Variants in CLIP4 observed in about 807,000 individuals in gnomAD.
CLIP4 encodes the protein CAP-Gly domain containing linker protein family member 4, also known as CAP-Gly domain-containing linker protein 4.
CLIP4 carries 47 observed loss-of-function variants against 73.1 expected under a neutral mutation model. That is an observed-to-expected ratio of 0.64 (90% CI 0.51 to 0.82). CLIP4 has a LOEUF of 0.82. Ranked by LOEUF, CLIP4 falls within the 40% of genes least tolerant of loss-of-function variation. The pLI is 0.00. For synonymous variants in CLIP4, 306 were observed against 295.4 expected (o/e 1.04, Z -0.37); for missense variants, 874 against 852.9 (o/e 1.02, Z -0.31).
chr2:29,159,911 T>A (rs1667179191), intron 11 of CLIP4, among the ~76,000 whole-genome samples: 1 of 152,252 alleles, frequency 6.6e-6, no homozygotes, highest in African/African-American at 2.4e-5. Context: ...TCTACTTTCA[T>A]GCTGCAACAG....
intron 2 of CLIP4, among the ~76,000 whole-genome samples, chr2:29,125,322 CT>C (rs1457752690): frequency 2.0e-5 from 3 of 152,140 alleles, no homozygotes; most frequent in Admixed American, 2.0e-4. Context: ...CCCTGTAGTC[CT>C]TATGGATGGT....
intron 14 of CLIP4, among the ~76,000 whole-genome samples, chr2:29,168,434 A>AT (rs1413339616): frequency 1.7e-5 from 2 of 118,864 alleles, no homozygotes; most frequent in Non-Finnish European, 3.6e-5. Context: ...ATTTTTATTT[A>AT]TTGTTTTTGG....
In CLIP4 at chr2:29,181,591, C is replaced by A; in HGVS notation, c.1816C>A (p.Arg606Ser). ...AFSKSKAALR[R>S]SWSSTPTAGG... ...GCACAGATCGAAAGCTGCTTTGCGT[C>A]GCAGTTGGAGCAGCACCCCCACCGC... The change falls in exon 16 of 16, where the codon CGC (arginine) becomes AGC (serine). Residue 606 changes from arginine (R) to serine (S), a missense_variant. By Grantham distance (110) the Arg-to-Ser change is moderately radical. Transcript: ENST00000320081. 6.2e-7 allele frequency: 1 copy of A among 1,607,784 alleles called. No homozygotes were observed. The highest frequency in any genetic ancestry group is 8.5e-7 in the Non-Finnish European group (1 of 1,175,674).
chr2:29,173,598 C>T (rs949186790), intron 14 of CLIP4, among the ~76,000 whole-genome samples: 1 of 152,164 alleles, frequency 6.6e-6, no homozygotes, highest in African/African-American at 2.4e-5. Flanking sequence ...TTTTTAGCCA[C>T]TTTGAAATTG....
chr2:29,133,824 T>G lies in CLIP4; in HGVS notation c.529+8T>G, dbSNP rs752020038. On this transcript the variant is annotated splice_region_variant and intron_variant, in intron 5 of 15. Coordinates refer to ENST00000320081, the MANE Select transcript of CLIP4 (RefSeq NM_024692.6). Reference sequence around the variant, plus strand: ...AAACATCGAAACCAAAAGGCAAGTATTATAAGATCACCTTTAGATATTATT... The same window carrying G: ...AAACATCGAAACCAAAAGGCAAGTAGTATAAGATCACCTTTAGATATTATT... 3 of 1,593,108 alleles carry G rather than the reference T, an allele frequency of 1.9e-6. 1 individual carries two copies. The highest frequency in any genetic ancestry group is 2.3e-5 in the South Asian group (2 of 87,324).
At chr2:29,152,899 G>A in intron 9 of CLIP4, 71 bp downstream of exon 9, 1 of 1,525,920 alleles carries the variant, frequency 6.6e-7, no homozygotes, top group Non-Finnish European at 8.8e-7. Context: ...CTAATATTTA[G>A]ATTGCTTCAC....
At chr2:29,173,414 A>G (rs1483149982) in intron 14 of CLIP4, among the ~76,000 whole-genome samples, 1 of 152,152 alleles carries the variant, frequency 6.6e-6, no homozygotes, top group Non-Finnish European at 1.5e-5. Context: ...GCTTTAACCA[A>G]GAATCTTTTG....
chr2:29,173,760 T>G (rs973530741), intron 14 of CLIP4, among the ~76,000 whole-genome samples: 1 of 152,246 alleles, frequency 6.6e-6, no homozygotes, highest in Non-Finnish European at 1.5e-5. Context: ...TTTAAAAATT[T>G]ACCTCTTGTG....
chr2:29,147,836 A>G (rs1230622675), intron 8 of CLIP4, among the ~76,000 whole-genome samples: 1 of 152,138 alleles, frequency 6.6e-6, no homozygotes, highest in East Asian at 1.9e-4. Flanking sequence ...TAATTTTTAT[A>G]CTTAATTATG....
At chr2:29,152,639 GA>G in intron 8 of CLIP4, 45 bp from the exon 9 acceptor site, 1 of 1,582,524 alleles carries the variant, frequency 6.3e-7, no homozygotes, top group Non-Finnish European at 8.6e-7. Context: ...TCCTTTATTT[GA>G]AATGTTTTAA....
At chr2:29,123,829 A>T (rs1387021990) in intron 2 of CLIP4, among the ~76,000 whole-genome samples, 3 of 152,192 alleles carry the variant, frequency 2.0e-5, no homozygotes, top group African/African-American at 7.2e-5. Flanking sequence ...AGTCCACAGA[A>T]ACCAGAGTTG....
At chr2:29,103,725 T>C (rs1668119288) in intron 1 of CLIP4, among the ~76,000 whole-genome samples, 1 of 151,966 alleles carries the variant, frequency 6.6e-6, no homozygotes, top group Non-Finnish European at 1.5e-5. Context: ...GTTTTGTTTA[T>C]TTTTTGAGAT....
intron 14 of CLIP4, among the ~76,000 whole-genome samples, chr2:29,169,769 C>A (rs1462588259): frequency 6.6e-6 from 1 of 152,106 alleles, no homozygotes; most frequent in Non-Finnish European, 1.5e-5. Flanking sequence ...TAATTCTTCT[C>A]TCCTAGCTAT....
chr2:29,136,179 G>T (rs1572919840), intron 6 of CLIP4, among the ~76,000 whole-genome samples: 2 of 145,016 alleles, frequency 1.4e-5, no homozygotes, highest in Admixed American at 6.8e-5. Flanking sequence ...CAGATCATTT[G>T]TTGTTGTTGT....
chr2:29,154,149 A>G (rs1008758978), intron 9 of CLIP4, among the ~76,000 whole-genome samples: 11 of 152,130 alleles, frequency 7.2e-5, no homozygotes, highest in African/African-American at 2.4e-4. Context: ...TGTTAGGTCT[A>G]TTGGTAGGTA....
In CLIP4 at chr2:29,122,614, A is replaced by G. The variant is rs561361678; in HGVS notation, c.133+1093A>G. ...TACATTGAATGAAAGGTAATAATGG[A>G]TATTGACATTTTGCATAACTGGAAT... On this transcript the variant is annotated intron_variant, in intron 2 of 15. Transcript: ENST00000320081. Among the ~76,000 whole-genome samples, 3 of 152,224 alleles carry G rather than the reference A, an allele frequency of 2.0e-5. No homozygotes were observed. In the East Asian group the frequency reaches 5.8e-4, roughly 29 times the overall value.
chr2:29,135,452 T>C (rs1183681486), intron 5 of CLIP4, 96 bp from the exon 6 acceptor site: 1 of 744,748 alleles, frequency 1.3e-6, no homozygotes, highest in Non-Finnish European at 2.1e-6. Flanking sequence ...GTCTTACAAA[T>C]GCTATAAGTC....
At chr2:29,154,815 A>C (rs1666810408) in intron 9 of CLIP4, among the ~76,000 whole-genome samples, 1 of 152,146 alleles carries the variant, frequency 6.6e-6, no homozygotes, top group Admixed American at 6.5e-5. Flanking sequence ...AAATTCAAAC[A>C]GCATTGCAGA....
At chr2:29,147,888 G>A (rs929266064) in intron 8 of CLIP4, among the ~76,000 whole-genome samples, 4 of 152,054 alleles carry the variant, frequency 2.6e-5, no homozygotes, top group African/African-American at 9.7e-5. Context: ...TTGAGGTTAA[G>A]AATTTAATTT....
Sources: gnomAD v4.1 joint callset for allele counts (sites outside exome capture counted in the v4.1 genomes callset) on GRCh38, gnomAD v4.1.1 for gene constraint, MANE v1.5 for transcripts, NCBI Gene and HGNC (gene_info 2026-07-23, HGNC 2026-07-21) for gene names.